VPS54: variants seen among roughly 807,000 people sequenced by gnomAD.
VPS54 encodes the protein vacuolar protein sorting-associated protein 54.
A neutral mutation model predicts 121.5 loss-of-function variants in VPS54; 45 were observed. The ratio of observed to expected loss-of-function variants is 0.37; its 90% CI spans 0.29 to 0.47. The LOEUF is 0.47. Among genes scored for constraint, VPS54 ranks in the 20% least tolerant of loss-of-function variants. VPS54 has a pLI of 0.99. For synonymous variants in VPS54, 371 were observed against 385.8 expected (o/e 0.96, Z 0.45); for missense variants, 1,090 against 1,131.4 (o/e 0.96, Z 0.52).
chr2:63,984,601 T>C (rs1238779517), intron 1 of VPS54, among the ~76,000 whole-genome samples: 1 of 151,894 alleles, frequency 6.6e-6, no homozygotes, highest in Non-Finnish European at 1.5e-5. Context: ...ATGATGTGAC[T>C]GCTACATAGT....
chr2:63,933,597 G>T, intron 12 of VPS54, 76 bp downstream of exon 12: 1 of 1,327,802 alleles, frequency 7.5e-7, no homozygotes, highest in Non-Finnish European at 1.0e-6. Context: ...TCAATAAACT[G>T]AATAATCAAT....
At chr2:63,945,847 A>C (rs1178073928) in intron 9 of VPS54, among the ~76,000 whole-genome samples, 1 of 152,216 alleles carries the variant, frequency 6.6e-6, no homozygotes, top group Non-Finnish European at 1.5e-5. Flanking sequence ...AAAATTAAAA[A>C]ATAAATGCTT....
intron 8 of VPS54, among the ~76,000 whole-genome samples, chr2:63,947,692 A>C (rs1675044893): frequency 6.6e-6 from 1 of 152,094 alleles, no homozygotes; most frequent in Admixed American, 6.6e-5. Flanking sequence ...GATAAATCCT[A>C]CCCCACCACA....
chr2:64,009,847 CTT>C (rs11354356), intron 1 of VPS54, among the ~76,000 whole-genome samples: 242 of 141,600 alleles, frequency 1.7e-3, no homozygotes, highest in Middle Eastern at 3.7e-3. Flanking sequence ...ATAATTGACC[CTT>C]TTTTTTTTTT....
At chr2:63,938,059 G>GTGGTGTGTGTGTGT (rs9309357) in intron 11 of VPS54, among the ~76,000 whole-genome samples, 213 of 140,460 alleles carry the variant, frequency 1.5e-3, no homozygotes, top group Middle Eastern at 3.4e-3. Context: ...TGGTGTGTGT[G>GTGGTGTGTGTGTGT]GTGTGTGTGT....
At position 63,999,920 on chromosome 2, in the gene VPS54, G is replaced by A. The variant is rs936214775; in HGVS notation, c.-20-15901C>T. Among the ~76,000 whole-genome samples, 3 of 152,132 alleles carry A rather than the reference G, an allele frequency of 2.0e-5. No individual in the cohort carries two copies. In the South Asian group the frequency reaches 6.2e-4, roughly 32 times the overall value. On this transcript the variant is annotated intron_variant, in intron 1 of 22. Transcript: ENST00000272322. ...CTGTCACCCAGACTAGAGTGCAATG[G>A]CACGATCTCGTCTCACTGCAACCTC...
At chr2:63,983,756 T>C in intron 2 of VPS54, 108 bp downstream of exon 2, 1 of 1,395,246 alleles carries the variant, frequency 7.2e-7, no homozygotes, top group Non-Finnish European at 9.5e-7. Context: ...CAAATGATTT[T>C]TAACATCATA....
chr2:63,920,192 T>C (rs1673577901), intron 14 of VPS54, among the ~76,000 whole-genome samples, 197 bp from the exon 15 acceptor site: 1 of 152,078 alleles, frequency 6.6e-6, no homozygotes, highest in South Asian at 2.1e-4. Flanking sequence ...GATGAAACAA[T>C]TTACTTAACT....
At chr2:64,014,568 T>C (rs552025207) in intron 1 of VPS54, among the ~76,000 whole-genome samples, 1 of 121,996 alleles carries the variant, frequency 8.2e-6, no homozygotes, top group African/African-American at 2.5e-5. Context: ...TCAATATTTG[T>C]ATTTAGTGCT....
chr2:64,004,554 C>G (rs1678035536), intron 1 of VPS54, among the ~76,000 whole-genome samples: 1 of 152,144 alleles, frequency 6.6e-6, no homozygotes, highest in South Asian at 2.1e-4. Context: ...AAATAAACAT[C>G]ATTACCTATG....
At chr2:64,007,583 T>C (rs1248013000) in intron 1 of VPS54, among the ~76,000 whole-genome samples, 2 of 152,210 alleles carry the variant, frequency 1.3e-5, no homozygotes, top group Non-Finnish European at 2.9e-5. Context: ...AAAAATATTC[T>C]TGTAGTGAAC....
At chr2:63,907,837 G>T (rs1338726915) in intron 20 of VPS54, among the ~76,000 whole-genome samples, 1 of 152,148 alleles carries the variant, frequency 6.6e-6, no homozygotes, top group Non-Finnish European at 1.5e-5. Context: ...TAACATATCT[G>T]TAATTATGTA....
chr2:64,017,204 G>C (rs1373582208), intron 1 of VPS54, among the ~76,000 whole-genome samples: 1 of 151,676 alleles, frequency 6.6e-6, no homozygotes, highest in African/African-American at 2.4e-5. Flanking sequence ...AGCCAGGCGT[G>C]GGGGCGCCTG....
At chr2:63,977,223 A>C in intron 3 of VPS54, among the ~76,000 whole-genome samples, 1 of 152,118 alleles carries the variant, frequency 6.6e-6, no homozygotes, top group Non-Finnish European at 1.5e-5. Context: ...CTGATTTGCT[A>C]TTGTCAATTT....
chr2:63,975,026 T>C, intron 3 of VPS54: 1 of 1,549,590 alleles, frequency 6.5e-7, no homozygotes, highest in South Asian at 1.2e-5. Flanking sequence ...GTTTCCCCAT[T>C]AGCTACAGAG....
chr2:63,974,294 T>C (rs1382417650), intron 3 of VPS54, among the ~76,000 whole-genome samples: 1 of 152,240 alleles, frequency 6.6e-6, no homozygotes, highest in Non-Finnish European at 1.5e-5. Context: ...GGTTCTCTGT[T>C]CCACTGACCC....
chr2:63,984,129 A>G, intron 1 of VPS54, 110 bp from the exon 2 acceptor site: 1 of 950,068 alleles, frequency 1.1e-6, no homozygotes, highest in Non-Finnish European at 1.5e-6. Context: ...AATACCTCAA[A>G]GTAGGCAATT....
intron 12 of VPS54, among the ~76,000 whole-genome samples, chr2:63,930,142 A>AAT: frequency 6.6e-6 from 1 of 152,200 alleles, no homozygotes; most frequent in Non-Finnish European, 1.5e-5. Context: ...AAAAAGAGGG[A>AAT]ATCCACCCTA....
At position 63,893,411 on chromosome 2, in the gene VPS54, C is replaced by G; in HGVS notation, c.*19G>C. On this transcript the variant is annotated 3_prime_UTR_variant, in exon 23 of 23. Transcript: ENST00000272322. ...CACATCCCATGGTCAGATGAACTAC[C>G]CAGTTTTCCAGGATGACATCACCTC... The G allele has an allele frequency of 6.3e-7, 1 of 1,596,058 alleles. No individual in the cohort carries two copies. The highest frequency in any genetic ancestry group is 8.6e-7 in the Non-Finnish European group (1 of 1,163,734).
Sources: gnomAD v4.1 joint callset for allele counts (sites outside exome capture counted in the v4.1 genomes callset) on GRCh38, gnomAD v4.1.1 for gene constraint, MANE v1.5 for transcripts, NCBI Gene and HGNC (gene_info 2026-07-23, HGNC 2026-07-21) for gene names.